The following DGKK variants were observed in gnomAD, a reference collection of about 807,000 sequenced individuals.
DGKK encodes 142 kDa diacylglycerol kinase.
In DGKK, 35 loss-of-function variants were observed where a neutral mutation model predicts 92.2. That is an observed-to-expected ratio of 0.38 (90% confidence interval 0.29 to 0.50). The LOEUF is 0.50. DGKK is among the 20% of genes least tolerant of loss of function. The probability of loss-of-function intolerance (pLI) is 0.92; values close to 1 mark genes in which losing one functional copy is unlikely to be tolerated. For synonymous variants in DGKK, 368 were observed against 360.6 expected, an observed-to-expected ratio of 1.02 and a Z score of -0.23; for missense variants, 910 against 992.2, an observed-to-expected ratio of 0.92 and a Z score of 1.11.
Position 50,388,602 on chromosome X carries a change from T to C in DGKK, c.1943A>G (p.His648Arg). 9.1e-6 allele frequency: 11 copies of C among 1,204,741 alleles called. No homozygotes were observed. The highest frequency in any genetic ancestry group is 1.2e-5 in the Non-Finnish European group (11 of 891,587). ...VPRFEAAAIQ[H>R]LESAATELNK... ...CAACTCGGTGGCTGCAGATTCTAAGTGTTGGATGGCAGCAGCCTAGGGGCA... is the reference window on the plus strand; with the variant it reads ...CAACTCGGTGGCTGCAGATTCTAAGCGTTGGATGGCAGCAGCCTAGGGGCA... The change falls in exon 13 of 28, where the codon CAC becomes CGC. Residue 648 changes from histidine to arginine, a missense_variant. Coordinates refer to ENST00000611977, the MANE Select transcript of DGKK (RefSeq NM_001013742.4).
At chrX:50,449,451 G>A (rs1205796688) in intron 1 of DGKK, among the ~76,000 whole-genome samples, 4 of 111,726 alleles carry the variant, frequency 3.6e-5, no homozygotes, top group Admixed American at 9.5e-5. Context: ...AAGACACTGA[G>A]GAGAGACAAG....
intron 25 of DGKK, 125 bp downstream of exon 25, chrX:50,374,846 C>A (rs1239794930): frequency 5.7e-6 from 3 of 526,732 alleles, no homozygotes; most frequent in Admixed American, 3.3e-5. Context: ...ACAGTAGGGA[C>A]TTCCAGGCAA....
At chrX:50,409,745 C>G (rs183834767) in intron 4 of DGKK, among the ~76,000 whole-genome samples, 1 of 111,524 alleles carries the variant, frequency 9.0e-6, no homozygotes, top group Non-Finnish European at 1.9e-5. Flanking sequence ...TTGTGTACCC[C>G]CTTCATATCA....
At chrX:50,439,026 G>T (rs1557231069) in intron 1 of DGKK, among the ~76,000 whole-genome samples, 1 of 111,475 alleles carries the variant, frequency 9.0e-6, no homozygotes, top group African/African-American at 3.3e-5. Flanking sequence ...AGTTATATCT[G>T]TCAGGCACAG....
intron 1 of DGKK, among the ~76,000 whole-genome samples, chrX:50,447,357 A>T (rs1401765811): frequency 0.084 from 686 of 8,128 alleles, 70 homozygotes; most frequent in African/African-American, 0.42. Flanking sequence ...ATATATATAT[A>T]ATATATATAT....
At chrX:50,407,300 A>G (rs1557227378) in intron 4 of DGKK, among the ~76,000 whole-genome samples, 2 of 112,030 alleles carry the variant, frequency 1.8e-5, no homozygotes, top group African/African-American at 6.5e-5. Context: ...ATCATAAAAA[A>G]TAGCATAGAC....
intron 4 of DGKK, among the ~76,000 whole-genome samples, chrX:50,409,185 C>A (rs1463687142): frequency 9.0e-6 from 1 of 110,721 alleles, no homozygotes; most frequent in African/African-American, 3.3e-5. Flanking sequence ...GAGGAGAACA[C>A]CATGTGAAGA....
rs782575973 is a variant in DGKK at position 50,429,662 on chromosome X, C to A, written c.646-5304G>T. Among the ~76,000 whole-genome samples the A allele has an allele frequency of 7.8e-4, 88 of 112,572 alleles. 1 individual carries two copies. Among genetic ancestry groups the A allele is most frequent in the African/African-American group, 2.7e-3 (85 of 31,041 alleles). ...CGAGATCGCGCCACTGCACTCCAGC[C>A]TGGAAGACAGCGCAAGACTCCGTCA... On this transcript the variant is annotated intron_variant, in intron 1 of 27. Coordinates refer to ENST00000611977, the MANE Select transcript of DGKK (RefSeq NM_001013742.4).
At chrX:50,402,354 G>C (rs190511449) in intron 7 of DGKK, among the ~76,000 whole-genome samples, 2 of 112,069 alleles carry the variant, frequency 1.8e-5, no homozygotes, top group Admixed American at 1.9e-4. Flanking sequence ...GGAGTTTGAG[G>C]CTGCAGTGAG....
chrX:50,410,497 C>T (rs914675090), intron 4 of DGKK, among the ~76,000 whole-genome samples: 1 of 112,095 alleles, frequency 8.9e-6, no homozygotes, highest in Non-Finnish European at 1.9e-5. Flanking sequence ...TTTGGTTCCT[C>T]CTGACTGCTT....
intron 18 of DGKK, among the ~76,000 whole-genome samples, chrX:50,380,394 G>A (rs1390166416): frequency 9.0e-6 from 1 of 111,295 alleles, no homozygotes; most frequent in African/African-American, 3.3e-5. Context: ...AGCTATGAGC[G>A]TAGCTGGCTG....
chrX:50,405,523 G>C (rs891127075), intron 4 of DGKK, among the ~76,000 whole-genome samples: 1 of 101,926 alleles, frequency 9.8e-6, no homozygotes, highest in Non-Finnish European at 1.9e-5. Context: ...AGTTGACAGT[G>C]GGGGGAGAGA....
chrX:50,384,927 T>G (rs782227957), intron 15 of DGKK, 103 bp from the exon 16 acceptor site: 8 of 572,085 alleles, frequency 1.4e-5, no homozygotes, highest in Non-Finnish European at 1.7e-5. Context: ...TTAATTACAC[T>G]TATTGAACAT....
At chrX:50,380,953 C>G (rs1163580836) in intron 18 of DGKK, among the ~76,000 whole-genome samples, 2 of 111,125 alleles carry the variant, frequency 1.8e-5, no homozygotes, top group African/African-American at 6.5e-5. Context: ...TAGAACAAAC[C>G]AATTCTGAAA....
Position 50,470,807 on chromosome X carries a change from C to G in DGKK, c.-129G>C. ...GTGCCAAACTTTCCCCCATCCCACT[C>G]CATGGCTGGCTTGGCTCTGAGGTCT... On this transcript the variant is annotated 5_prime_UTR_variant, in exon 1 of 28. Coordinates refer to ENST00000611977, the MANE Select transcript of DGKK (RefSeq NM_001013742.4). 1 of 804,492 alleles carries G rather than the reference C, an allele frequency of 1.2e-6. No individual in the cohort carries two copies. The highest frequency in any genetic ancestry group is 1.7e-6 in the Non-Finnish European group (1 of 588,352). The allele number at this position is 804,492 out of a possible 1,213,427, so 66.3% of individuals were successfully genotyped here.
rs782531375 is a variant in DGKK, at chrX:50,424,280, C to T, written c.724G>A (p.Gly242Arg). ...RWKLRYFLVQ[G>R]QKLYFAHHPA... The stretch of plus-strand genomic sequence containing the variant: ...TGGTGTGCAAAGTAGAGCTTCTGTC[C>T]TTGAACCAGAAAATATCTAAGCTTC... Residue 242 changes from glycine to arginine, a missense_variant, in exon 2 of 28, where the codon GGA becomes AGA. Transcript: ENST00000611977. 1.7e-6 allele frequency: 2 copies of T among 1,210,948 alleles called. No individual in the cohort carries two copies. The highest frequency in any genetic ancestry group is 2.2e-5 in the Admixed American group (1 of 45,961).
At chrX:50,373,471 C>T (rs9699061) in intron 25 of DGKK, among the ~76,000 whole-genome samples, 27,678 of 111,067 alleles carry the variant, frequency 0.25, 2,740 homozygotes, top group Middle Eastern at 0.36. Flanking sequence ...TCATGAGCCT[C>T]GGGAAAGTGG....
At chrX:50,410,007 T>G (rs1368253823) in intron 4 of DGKK, among the ~76,000 whole-genome samples, 3 of 111,738 alleles carry the variant, frequency 2.7e-5, no homozygotes, top group Non-Finnish European at 5.6e-5. Context: ...CTTCCGGAAG[T>G]GTGAGAAATA....
At chrX:50,379,895 A>C (rs1417710362) in intron 19 of DGKK, 86 bp downstream of exon 19, 5 of 977,047 alleles carry the variant, frequency 5.1e-6, no homozygotes, top group Non-Finnish European at 7.3e-6. Flanking sequence ...GTTAAAGCTC[A>C]GGAAGAATCA....
Sources: allele counts gnomAD v4.1 joint callset (sites outside exome capture counted in the v4.1 genomes callset), GRCh38; gene constraint gnomAD v4.1.1; transcripts MANE v1.5; gene names NCBI Gene and HGNC (gene_info 2026-07-23, HGNC 2026-07-21).